Variants in NGEF observed in about 807,000 individuals in gnomAD.
NGEF encodes neuronal guanine nucleotide exchange factor, also known as ephexin-1.
NGEF carries 31 observed loss-of-function variants against 80.9 expected under a neutral mutation model. The ratio of observed to expected loss-of-function variants is 0.38; its 90% CI spans 0.29 to 0.52. The LOEUF (loss-of-function observed/expected upper bound fraction) is 0.52, where lower values mean the gene tolerates loss of function less well. NGEF is among the 20% of genes least tolerant of loss of function. The pLI, the probability that NGEF is intolerant of heterozygous loss-of-function variation, is 0.84. For synonymous variants in NGEF, 371 were observed against 370.2 expected, an observed-to-expected ratio of 1.00 and a Z score of -0.03; for missense variants, 709 against 926.2, an observed-to-expected ratio of 0.77 and a Z score of 3.04.
At chr2:232,933,684 A>G (rs1288474564) in intron 3 of NGEF, among the ~76,000 whole-genome samples, 1 of 152,154 alleles carries the variant, frequency 6.6e-6, no homozygotes, top group African/African-American at 2.4e-5. Flanking sequence ...CAGCTCTCTG[A>G]GGCTTTGGCC....
chr2:232,905,243 A>G (rs916465762), intron 5 of NGEF, among the ~76,000 whole-genome samples: 10 of 152,284 alleles, frequency 6.6e-5, no homozygotes, highest in African/African-American at 2.2e-4. Flanking sequence ...CTGCGATTGC[A>G]GGCGCGCGCC....
intron 5 of NGEF, among the ~76,000 whole-genome samples, chr2:232,899,048 ATG>A (rs1350046681): frequency 2.2e-5 from 3 of 137,610 alleles, no homozygotes; most frequent in Admixed American, 2.1e-4. Flanking sequence ...GTGGGTGTGG[ATG>A]TGTGGATGTG....
chr2:232,989,421 T>C (rs1340255457), intron 1 of NGEF, among the ~76,000 whole-genome samples: 6 of 152,226 alleles, frequency 3.9e-5, no homozygotes, highest in African/African-American at 9.6e-5. Flanking sequence ...CACTCTAGCC[T>C]GAGCAACAGA....
intron 9 of NGEF, among the ~76,000 whole-genome samples, chr2:232,885,811 C>T (rs1190765068): frequency 2.0e-5 from 3 of 152,278 alleles, no homozygotes; most frequent in East Asian, 1.9e-4. Flanking sequence ...ACATGGGGCC[C>T]GGCACAGGGC....
At chr2:233,003,503 C>T (rs1465510752) in intron 1 of NGEF, among the ~76,000 whole-genome samples, 1 of 152,190 alleles carries the variant, frequency 6.6e-6, no homozygotes, top group Non-Finnish European at 1.5e-5. Flanking sequence ...CCCTTCCTTG[C>T]TAATATCCTC....
At chr2:232,985,667 G>A (rs1694518387) in intron 1 of NGEF, among the ~76,000 whole-genome samples, 1 of 152,132 alleles carries the variant, frequency 6.6e-6, no homozygotes. Context: ...GCCGGAGAAT[G>A]GCGTGAACCC....
Position 232,894,901 on chromosome 2 carries a change from C to T in NGEF, c.844G>A (p.Val282Ile). The T allele has an allele frequency of 1.9e-6, 3 of 1,592,482 alleles. No individual in the cohort carries two copies. The highest frequency in any genetic ancestry group is 2.6e-6 in the Non-Finnish European group (3 of 1,163,202). Residue 282 changes from valine to isoleucine, a missense_variant, in exon 6 of 15, where the codon GTC becomes ATC. This residue lies in a region of NGEF where 426 missense variants were observed against 622.9 expected (regional missense o/e 0.68). Transcript: ENST00000264051. ...TTGTAGTAGGACGCCTCGGAAGTGA[C>T]CAGCTCGAACATGGCCTGTAGCAGG... Reference protein sequence around the residue: ...IKLQEAMFELVTSEASYYKSL... With the variant: ...IKLQEAMFELITSEASYYKSL...
At chr2:232,975,850 G>T (rs1422314102) in intron 1 of NGEF, among the ~76,000 whole-genome samples, 2 of 152,106 alleles carry the variant, frequency 1.3e-5, no homozygotes, top group Non-Finnish European at 2.9e-5. Context: ...AGGGTACAAG[G>T]CTGTGTATGA....
intron 3 of NGEF, among the ~76,000 whole-genome samples, chr2:232,951,079 C>T (rs1197011056): frequency 6.6e-6 from 1 of 152,276 alleles, no homozygotes; most frequent in African/African-American, 2.4e-5. Context: ...GAGGCCGGCA[C>T]CTTCAGCTTT....
intron 12 of NGEF, among the ~76,000 whole-genome samples, chr2:232,882,808 G>T (rs1487974959): frequency 6.6e-6 from 1 of 152,204 alleles, no homozygotes; most frequent in East Asian, 1.9e-4. Flanking sequence ...AACCTCCACA[G>T]TTCCAGGCTC....
chr2:232,927,890 C>T, intron 3 of NGEF: 1 of 1,296,222 alleles, frequency 7.7e-7, no homozygotes, highest in Non-Finnish European at 9.8e-7. Context: ...CGCCCGTCCT[C>T]ACCTGCCGGG....
In NGEF at chr2:232,991,908, T is replaced by C. The variant is rs182700693; in HGVS notation, c.-74-16944A>G. Among the ~76,000 whole-genome samples the C allele has an allele frequency of 1.7e-4, 26 of 152,282 alleles. No individual in the cohort carries two copies. The East Asian group carries it at 4.1e-3, about 24-fold the overall frequency. On this transcript the variant is annotated intron_variant, in intron 1 of 14. Coordinates refer to ENST00000264051, the MANE Select transcript of NGEF (RefSeq NM_019850.3). ...TAGGTCAAGAGAATAGAATTGGGTA[T>C]CCATAAATAAACTCATACATCTATG...
At chr2:233,006,036 C>T (rs1247640395) in intron 1 of NGEF, among the ~76,000 whole-genome samples, 4 of 152,312 alleles carry the variant, frequency 2.6e-5, no homozygotes, top group East Asian at 1.9e-4. Flanking sequence ...AAGCTGGTCT[C>T]GAACTCTTGA....
chr2:232,902,634 G>A (rs927185851), intron 5 of NGEF, among the ~76,000 whole-genome samples: 1 of 152,236 alleles, frequency 6.6e-6, no homozygotes, highest in Non-Finnish European at 1.5e-5. Flanking sequence ...TAAAATAAGT[G>A]TGTGTAAATT....
chr2:232,885,635 G>C (rs1691653021), intron 9 of NGEF: 1 of 478,232 alleles, frequency 2.1e-6, no homozygotes, highest in African/African-American at 2.0e-5. Flanking sequence ...GAAAACACAT[G>C]CGTGAGGCAT....
At chr2:232,928,206 A>G (rs2106285320) in intron 3 of NGEF, 1 of 628,692 alleles carries the variant, frequency 1.6e-6, no homozygotes, top group Non-Finnish European at 1.9e-6. Flanking sequence ...GCAACGAGGG[A>G]GGCGGGAGGG....
chr2:232,962,242 A>C (rs1465638706), intron 3 of NGEF, among the ~76,000 whole-genome samples: 1 of 152,216 alleles, frequency 6.6e-6, no homozygotes. Flanking sequence ...GACTATTGAA[A>C]AGAAAGAAAT....
chr2:232,961,464 C>T (rs2106314364), intron 3 of NGEF, among the ~76,000 whole-genome samples: 1 of 152,200 alleles, frequency 6.6e-6, no homozygotes, highest in South Asian at 2.1e-4. Flanking sequence ...AACACCTGAC[C>T]CAAGGATGGT....
At chr2:232,991,351 CA>C (rs889162884) in intron 1 of NGEF, among the ~76,000 whole-genome samples, 14 of 149,882 alleles carry the variant, frequency 9.3e-5, no homozygotes, top group African/African-American at 3.2e-4. Flanking sequence ...TAAAAAAAAA[CA>C]AAAAACCCCA....
Sources: gnomAD v4.1 joint callset for allele counts (sites outside exome capture counted in the v4.1 genomes callset) on GRCh38, gnomAD v4.1.1 for gene constraint, gnomAD v4.1.1 regional missense constraint, MANE v1.5 for transcripts, NCBI Gene and HGNC (gene_info 2026-07-23, HGNC 2026-07-21) for gene names.